DHDDS: variants seen among roughly 807,000 people sequenced by gnomAD.
The protein encoded by DHDDS is dehydrodolichyl diphosphate synthase subunit.
A neutral mutation model predicts 46.2 loss-of-function variants in DHDDS; 16 were observed. The ratio of observed to expected loss-of-function variants is 0.35; its 90% CI spans 0.23 to 0.53. The LOEUF is 0.53. Among genes scored for constraint, DHDDS ranks in the 20% least tolerant of loss-of-function variants. The probability of loss-of-function intolerance (pLI) is 0.94; values close to 1 mark genes in which losing one functional copy is unlikely to be tolerated. For synonymous variants in DHDDS, 151 were observed against 163.1 expected (o/e 0.93, Z 0.56); for missense variants, 340 against 423.7 (o/e 0.80, Z 1.73).
At chr1:26,458,467 G>T (rs543762142) in intron 7 of DHDDS, among the ~76,000 whole-genome samples, 1 of 152,328 alleles carries the variant, frequency 6.6e-6, no homozygotes, top group East Asian at 1.9e-4. Context: ...GCAGGGCGTG[G>T]TGGCTCACGC....
rs533839478 is a variant in DHDDS at position 26,457,986 on chromosome 1, C to T, written c.657+81C>T. 16 of 1,250,086 alleles carry T rather than the reference C, an allele frequency of 1.3e-5. No individual in the cohort carries two copies. In the East Asian group the frequency reaches 2.1e-4, roughly 16 times the overall value. The allele number at this position is 1,250,086 out of a possible 1,614,324, so 77.4% of individuals were successfully genotyped here. On this transcript the variant is annotated intron_variant, in intron 7 of 8. Transcript: ENST00000236342. Reference sequence around the variant, plus strand: ...ACAGAATGGATCAGAGTGGTCCATCCCCACTCCCAAACAGGCTGGGGCCAG... The same window carrying T: ...ACAGAATGGATCAGAGTGGTCCATCTCCACTCCCAAACAGGCTGGGGCCAG...
At chr1:26,467,045 C>T in intron 8 of DHDDS, 1 of 227,268 alleles carries the variant, frequency 4.4e-6, no homozygotes, top group Admixed American at 4.6e-5. Flanking sequence ...CCACACACCT[C>T]ACCTCTGTTT....
Position 26,457,818 on chromosome 1 carries a change from G to T in DHDDS, c.570G>T (p.Lys190Asn), listed in dbSNP as rs1570357051. 2 of 1,613,902 alleles carry T rather than the reference G, an allele frequency of 1.2e-6. No individual in the cohort carries two copies. The highest frequency in any genetic ancestry group is 1.7e-6 in the Non-Finnish European group (2 of 1,179,932). ...ATATCTCTGAGTCTCTGCTTGATAAGTGCCTCTATACCAACCGCTCTCCTC... is the reference window on the plus strand; with the variant it reads ...ATATCTCTGAGTCTCTGCTTGATAATTGCCTCTATACCAACCGCTCTCCTC... ...PSDISESLLD[K>N]CLYTNRSPHP... is the part of the protein sequence containing the mutation. The change falls in exon 7 of 9, where the codon AAG (lysine) becomes AAT (asparagine). Residue 190 changes from lysine to asparagine, a missense_variant. Coordinates refer to ENST00000236342, the MANE Select transcript of DHDDS (RefSeq NM_205861.3).
intron 8 of DHDDS, among the ~76,000 whole-genome samples, chr1:26,462,573 T>C (rs1156563464): frequency 6.6e-6 from 1 of 152,198 alleles, no homozygotes; most frequent in African/African-American, 2.4e-5. Flanking sequence ...GGAAACCAGA[T>C]AGTCAAGCTT....
At chr1:26,442,580 T>G (rs1276159730) in intron 3 of DHDDS, 151 bp from the exon 4 acceptor site, 1 of 895,344 alleles carries the variant, frequency 1.1e-6, no homozygotes, top group Non-Finnish European at 1.9e-6. Flanking sequence ...AATTCTGACA[T>G]AAACACTGAT....
intron 1 of DHDDS, 124 bp downstream of exon 1, chr1:26,432,500 G>A: frequency 4.2e-6 from 1 of 240,136 alleles, no homozygotes; most frequent in Non-Finnish European, 8.4e-6. Flanking sequence ...GAAGTACTAG[G>A]CGTGCGATAA....
At chr1:26,445,922 C>A (rs145786725) in intron 4 of DHDDS, among the ~76,000 whole-genome samples, 1 of 151,404 alleles carries the variant, frequency 6.6e-6, no homozygotes, top group South Asian at 2.1e-4. Flanking sequence ...ACTTGGGAGG[C>A]TGCGGTGGGA....
At chr1:26,468,811 G>GCCCCCCCCCCCACCACC in intron 8 of DHDDS, 84 bp from the exon 9 acceptor site, 4 of 637,980 alleles carry the variant, frequency 6.3e-6, no homozygotes, top group Non-Finnish European at 1.0e-5. Flanking sequence ...CCCACCCTGT[G>GCCCCCCCCCCCACCACC]CCCCACCCCC....
chr1:26,456,854 G>A (rs1187038173), intron 6 of DHDDS, among the ~76,000 whole-genome samples: 1 of 152,152 alleles, frequency 6.6e-6, no homozygotes, highest in Non-Finnish European at 1.5e-5. Context: ...GTGAATGTTT[G>A]AATGTGTGTG....
intron 2 of DHDDS, 98 bp downstream of exon 2, chr1:26,433,106 T>G: frequency 7.8e-7 from 1 of 1,282,564 alleles, no homozygotes; most frequent in African/African-American, 1.5e-5. Context: ...GTGCAATTCA[T>G]GATGTTAAGT....
At chr1:26,442,554 G>T (rs182904094) in intron 3 of DHDDS, among the ~76,000 whole-genome samples, 177 bp from the exon 4 acceptor site, 49 of 152,246 alleles carry the variant, frequency 3.2e-4, no homozygotes, top group Middle Eastern at 3.4e-3. Flanking sequence ...GTGGTTTTCT[G>T]CTTATTTGAT....
At chr1:26,447,516 C>G (rs1242808759) in intron 5 of DHDDS, 43 bp from the exon 6 acceptor site, 1 of 1,512,836 alleles carries the variant, frequency 6.6e-7, no homozygotes, top group Non-Finnish European at 9.2e-7. Flanking sequence ...AATCATCAGT[C>G]CCTGTCCCCC....
chr1:26,446,290 C>T (rs750998792), intron 4 of DHDDS, 26 bp from the exon 5 acceptor site: 3 of 1,610,186 alleles, frequency 1.9e-6, no homozygotes, highest in Non-Finnish European at 2.5e-6. Flanking sequence ...GGCCCTATCC[C>T]AATGCTGCCT....
chr1:26,454,584 G>T (rs889641713), intron 6 of DHDDS: 9 of 782,580 alleles, frequency 1.2e-5, no homozygotes, highest in African/African-American at 1.7e-5. Flanking sequence ...AGGACAAATG[G>T]GCCCTGTTTT....
intron 2 of DHDDS, 25 bp from the exon 3 acceptor site, chr1:26,438,143 C>A: frequency 1.2e-6 from 2 of 1,607,970 alleles, no homozygotes; most frequent in Non-Finnish European, 1.7e-6. Context: ...GAGACCTGTT[C>A]ATCATTTGTC....
chr1:26,434,659 G>A (rs2075135183), intron 2 of DHDDS, among the ~76,000 whole-genome samples: 1 of 151,966 alleles, frequency 6.6e-6, no homozygotes, highest in East Asian at 1.9e-4. Context: ...TGTTTTTTGT[G>A]GTTTCTTTTT....
chr1:26,457,975 A>G (rs956019697), intron 7 of DHDDS, 70 bp downstream of exon 7: 27 of 1,383,198 alleles, frequency 2.0e-5, no homozygotes, highest in Non-Finnish European at 2.7e-5. Flanking sequence ...AATGGATCAG[A>G]GTGGTCCATC....
At chr1:26,442,616 G>C (rs1223831383) in intron 3 of DHDDS, 115 bp from the exon 4 acceptor site, 2 of 1,245,368 alleles carry the variant, frequency 1.6e-6, no homozygotes, top group Non-Finnish European at 2.4e-6. Flanking sequence ...CCCAGCTTTG[G>C]GGAGGAGAAA....
At chr1:26,454,886 T>C in intron 6 of DHDDS, 4 of 1,595,552 alleles carry the variant, frequency 2.5e-6, no homozygotes, top group Non-Finnish European at 3.4e-6. Context: ...AAGTTCAGCA[T>C]TACTCTCTGC....
Sources: gnomAD v4.1 joint callset for allele counts (sites outside exome capture counted in the v4.1 genomes callset) on GRCh38, gnomAD v4.1.1 for gene constraint, MANE v1.5 for transcripts, NCBI Gene and HGNC (gene_info 2026-07-23, HGNC 2026-07-21) for gene names.